PERP: variants seen among roughly 807,000 people sequenced by gnomAD.
The protein encoded by PERP is p53 apoptosis effector related to PMP-22.
Under a neutral mutation model 20.3 loss-of-function variants are expected in PERP, and 11 were observed. That is an observed-to-expected ratio of 0.54 (90% CI 0.34 to 0.90). The LOEUF (loss-of-function observed/expected upper bound fraction) is 0.90. Ranked by LOEUF, PERP falls within the 40% of genes least tolerant of loss-of-function variation. The pLI is 0.02. For synonymous variants in PERP, 101 were observed against 102.0 expected, an observed-to-expected ratio of 0.99 and a Z score of 0.06; for missense variants, 224 against 249.4, an observed-to-expected ratio of 0.90 and a Z score of 0.69.
chr6:138,095,847 C>G (rs962335926), intron 2 of PERP, among the ~76,000 whole-genome samples: 1 of 152,224 alleles, frequency 6.6e-6, no homozygotes, highest in African/African-American at 2.4e-5. Flanking sequence ...TCCCCCCACA[C>G]AGGCACCATG....
At chr6:138,100,797 G>A (rs1481749747) in intron 1 of PERP, among the ~76,000 whole-genome samples, 2 of 152,244 alleles carry the variant, frequency 1.3e-5, no homozygotes, top group South Asian at 4.1e-4. Flanking sequence ...GAAACCAGCA[G>A]CATTATAAAT....
chr6:138,105,508 T>C (rs1174805915), intron 1 of PERP, among the ~76,000 whole-genome samples: 2 of 152,160 alleles, frequency 1.3e-5, no homozygotes, highest in African/African-American at 2.4e-5. Flanking sequence ...AAAATAAAAA[T>C]GGCATTGTGC....
At chr6:138,096,093 G>A (rs1416561407) in intron 2 of PERP, among the ~76,000 whole-genome samples, 1 of 152,076 alleles carries the variant, frequency 6.6e-6, no homozygotes, top group Non-Finnish European at 1.5e-5. Context: ...AGTGGATAGG[G>A]CCCCCTAAGA....
chr6:138,105,210 T>C (rs1775824795), intron 1 of PERP, among the ~76,000 whole-genome samples: 1 of 152,222 alleles, frequency 6.6e-6, no homozygotes, highest in Admixed American at 6.5e-5. Flanking sequence ...GTTAAAGCTA[T>C]TACCATTTAC....
Position 138,089,028 on chromosome 6 carries a change from A to T in PERP, c.*3014T>A, listed in dbSNP as rs1323322059. ...AGTGCTTCCAACTCAAGGAATATTT[A>T]AAATTTTTTAATTAAAGAAAAAATT... On this transcript the variant is annotated 3_prime_UTR_variant, in exon 3 of 3. Coordinates refer to ENST00000421351, the MANE Select transcript of PERP (RefSeq NM_022121.5). 1 of 152,156 alleles carries T rather than the reference A, an allele frequency of 6.6e-6. No homozygotes were observed. The highest frequency in any genetic ancestry group is 1.5e-5 in the Non-Finnish European group (1 of 68,038). The allele number at this position is 152,156 out of a possible 1,614,324, so 9.4% of individuals were successfully genotyped here.
intron 2 of PERP, among the ~76,000 whole-genome samples, chr6:138,094,322 T>A (rs1280325667): frequency 6.6e-6 from 1 of 152,016 alleles, no homozygotes; most frequent in Non-Finnish European, 1.5e-5. Flanking sequence ...CCCTGGTAAC[T>A]TTTATTCTAC....
At chr6:138,098,942 A>G (rs1391508073) in intron 1 of PERP, among the ~76,000 whole-genome samples, 2 of 152,208 alleles carry the variant, frequency 1.3e-5, no homozygotes, top group African/African-American at 4.8e-5. Context: ...TTAAAATAGA[A>G]AGGAATAAAG....
At position 138,089,298 on chromosome 6, in the gene PERP, G is replaced by C. The variant is rs1239493132; in HGVS notation, c.*2744C>G. The C allele has an allele frequency of 6.6e-6, 1 of 151,818 alleles. No individual in the cohort carries two copies. The highest frequency in any genetic ancestry group is 2.4e-5 in the African/African-American group (1 of 41,326). 9.4% of individuals were successfully genotyped at this position (151,818 alleles called of 1,614,324 possible). On this transcript the variant is annotated 3_prime_UTR_variant, in exon 3 of 3. Coordinates refer to ENST00000421351, the MANE Select transcript of PERP (RefSeq NM_022121.5). ...AGAAAAAAAAAATAAACCGAATTAAGTTATGATGACTATATTTTCCATTGT... is the reference window on the plus strand; with the variant it reads ...AGAAAAAAAAAATAAACCGAATTAACTTATGATGACTATATTTTCCATTGT...
At chr6:138,102,865 C>T (rs1328598145) in intron 1 of PERP, among the ~76,000 whole-genome samples, 2 of 151,894 alleles carry the variant, frequency 1.3e-5, no homozygotes, top group Admixed American at 1.3e-4. Flanking sequence ...TTTGGGAGGC[C>T]GAGGTGGGCG....
intron 1 of PERP, among the ~76,000 whole-genome samples, chr6:138,100,845 C>T (rs542069460): frequency 1.3e-5 from 2 of 152,258 alleles, no homozygotes; most frequent in South Asian, 4.2e-4. Flanking sequence ...ACAACAGCTT[C>T]TCAAAGTTTC....
At chr6:138,102,680 T>G (rs1775791345) in intron 1 of PERP, among the ~76,000 whole-genome samples, 1 of 152,208 alleles carries the variant, frequency 6.6e-6, no homozygotes, top group Non-Finnish European at 1.5e-5. Flanking sequence ...ACTAGATTAC[T>G]GGGTCTTAAA....
chr6:138,094,078 C>A (rs1775635834), intron 2 of PERP, among the ~76,000 whole-genome samples: 1 of 152,132 alleles, frequency 6.6e-6, no homozygotes, highest in Admixed American at 6.5e-5. Context: ...TTTAATGCTA[C>A]AAGAAAGCAA....
intron 2 of PERP, 107 bp downstream of exon 2, chr6:138,096,247 A>G: frequency 7.3e-7 from 1 of 1,375,598 alleles, no homozygotes; most frequent in Non-Finnish European, 9.9e-7. Flanking sequence ...TTTTCCGAGA[A>G]CAGATTAGAA....
rs1310300131 is a variant in PERP, at chr6:138,091,515, A to G, written c.*527T>C. The G allele has an allele frequency of 1.3e-5, 2 of 152,562 alleles. No individual in the cohort carries two copies. Among genetic ancestry groups the G allele is most frequent in the East Asian group, 3.8e-4 (2 of 5,200 alleles). The allele number at this position is 152,562 out of a possible 1,614,324, so 9.5% of individuals were successfully genotyped here. A position where few individuals can be genotyped will look rare whatever the true frequency, so the allele number is the denominator to read the frequency against. On this transcript the variant is annotated 3_prime_UTR_variant, in exon 3 of 3. Coordinates refer to ENST00000421351, the MANE Select transcript of PERP (RefSeq NM_022121.5). ...GGATATTAATGAGAAATTCTCACAA[A>G]TGATATGCATTTAGGAAATGATTTT...
At chr6:138,092,307 C>T (rs1392241017) in intron 2 of PERP, 39 bp from the exon 3 acceptor site, 1 of 1,506,224 alleles carries the variant, frequency 6.6e-7, no homozygotes, top group African/African-American at 1.4e-5. Context: ...TGAATGCATA[C>T]ATGCATGAAG....
At chr6:138,105,401 A>C (rs1273677258) in intron 1 of PERP, among the ~76,000 whole-genome samples, 2 of 152,240 alleles carry the variant, frequency 1.3e-5, no homozygotes, top group Non-Finnish European at 2.9e-5. Context: ...AAACTAAGAA[A>C]AAAAACCTGC....
At chr6:138,096,223 G>T in intron 2 of PERP, 131 bp downstream of exon 2, 1 of 1,183,228 alleles carries the variant, frequency 8.5e-7, no homozygotes, top group Non-Finnish European at 1.2e-6. Flanking sequence ...TGTTACTTCT[G>T]CCCTGGTGAT....
At chr6:138,096,039 C>T (rs542981603) in intron 2 of PERP, among the ~76,000 whole-genome samples, 16 of 152,266 alleles carry the variant, frequency 1.1e-4, no homozygotes, top group Middle Eastern at 6.8e-3. Context: ...GAGAGCACTG[C>T]TTTTCCAGGG....
chr6:138,088,767 G>A lies in PERP; in HGVS notation c.*3275C>T, dbSNP rs1370367559. On this transcript the variant is annotated 3_prime_UTR_variant, in exon 3 of 3. Transcript: ENST00000421351. ...AGGCAAGCCAAGCTCACCTAAAAAT[G>A]GTCTCAAAAAGCAAAGGGCTCTGAC... is the stretch of plus-strand genomic sequence containing the variant. The A allele has an allele frequency of 6.6e-6, 1 of 152,124 alleles. No individual in the cohort carries two copies. The highest frequency in any genetic ancestry group is 2.4e-5 in the African/African-American group (1 of 41,422). The allele number at this position is 152,124 out of a possible 1,614,324, so 9.4% of individuals were successfully genotyped here.
Sources: allele counts gnomAD v4.1 joint callset (sites outside exome capture counted in the v4.1 genomes callset), GRCh38; gene constraint gnomAD v4.1.1; transcripts MANE v1.5; gene names NCBI Gene and HGNC (gene_info 2026-07-23, HGNC 2026-07-21).